The following DUX4 variants were observed in gnomAD, a reference collection of about 807,000 sequenced individuals.
The protein encoded by DUX4 is double homeobox 4, also known as double homeobox protein 4.
intron 1 of DUX4, among the ~76,000 whole-genome samples, chr4:190,181,742 A>ATAGCTT (rs1742592861): frequency 1.5e-5 from 2 of 136,912 alleles, no homozygotes; most frequent in Admixed American, 7.6e-5. Flanking sequence ...CACCTGGGTG[A>ATAGCTT]TCAGTGCAGA....
chr4:190,178,932 CTCCTGGGTG>C (rs1742464740), downstream of DUX4, among the ~76,000 whole-genome samples: 1 of 143,282 alleles, frequency 7.0e-6, no homozygotes, highest in Non-Finnish European at 1.5e-5. Context: ...AAGAGTCCGT[CTCCTGGGTG>C]ATCAGTGCAG....
downstream of DUX4, among the ~76,000 whole-genome samples, chr4:190,179,516 C>CAT (rs1742500713): frequency 1.2e-4 from 3 of 25,670 alleles, no homozygotes; most frequent in Non-Finnish European, 1.7e-4. Context: ...CACAAGCCCC[C>CAT]TGTAGGCAGA....
chr4:190,176,554 T>C (rs1448821859), downstream of DUX4, among the ~76,000 whole-genome samples: 1 of 100,950 alleles, frequency 9.9e-6, no homozygotes, highest in African/African-American at 2.8e-5. Context: ...AGTTTATCAG[T>C]GTAATTATTA....
At chr4:190,178,961 A>C (rs1742466872), downstream of DUX4, among the ~76,000 whole-genome samples, 2 of 148,540 alleles carry the variant, frequency 1.3e-5, no homozygotes, top group Non-Finnish European at 3.0e-5. Flanking sequence ...GAAATACGTC[A>C]CAATGCCCCC....
chr4:190,176,902 G>A (rs1742328436), downstream of DUX4, among the ~76,000 whole-genome samples: 1 of 128,846 alleles, frequency 7.8e-6, no homozygotes, highest in Non-Finnish European at 1.8e-5. Context: ...TCAGTGCAGT[G>A]ATATGTCACA....
intron 1 of DUX4, among the ~76,000 whole-genome samples, chr4:190,181,610 TGCAGAGA>T: frequency 1.4e-4 from 2 of 14,246 alleles, no homozygotes; most frequent in East Asian, 1.6e-3. Flanking sequence ...GGGTGATCAG[TGCAGAGA>T]TATGTCAGAA....
At chr4:190,178,914 TCCAAGACAAGAG>T (rs1742462988), downstream of DUX4, among the ~76,000 whole-genome samples, 56 of 88,648 alleles carry the variant, frequency 6.3e-4, no homozygotes, top group South Asian at 7.5e-4. Context: ...CATAGGCAGA[TCCAAGACAAGAG>T]TCCGTCTCCT....
intron 1 of DUX4, among the ~76,000 whole-genome samples, chr4:190,181,157 CTTT>C (rs1742548901): frequency 1.4e-5 from 2 of 147,126 alleles, no homozygotes; most frequent in African/African-American, 2.5e-5. Context: ...CACAATGCCC[CTTT>C]AGGCAGAGCT....
chr4:190,177,337 GCA>G (rs1742361162), downstream of DUX4, among the ~76,000 whole-genome samples: 161 of 138,540 alleles, frequency 1.2e-3, 9 homozygotes, highest in African/African-American at 3.9e-3. Flanking sequence ...GCCCCTGTAG[GCA>G]GAGCCTAGAC....
chr4:190,177,298 G>A (rs1234670560), downstream of DUX4, among the ~76,000 whole-genome samples: 2 of 128,688 alleles, frequency 1.6e-5, no homozygotes, highest in East Asian at 2.6e-4. Context: ...TACATCACCT[G>A]GGTGATCAGT....
chr4:190,179,019 G>GGGTTATGTCACAA (rs1742472016), downstream of DUX4, among the ~76,000 whole-genome samples: 2 of 98,634 alleles, frequency 2.0e-5, no homozygotes, highest in South Asian at 3.3e-4. Flanking sequence ...GATTAGTGCA[G>GGGTTATGTCACAA]AGTTATGTCA....
At chr4:190,177,191 C>CACCAGAG (rs1742349944), downstream of DUX4, among the ~76,000 whole-genome samples, 8 of 67,118 alleles carry the variant, frequency 1.2e-4, no homozygotes, top group South Asian at 6.1e-4. Flanking sequence ...TGTCAAAACG[C>CACCAGAG]CCCTGTAGGC....
downstream of DUX4, among the ~76,000 whole-genome samples, chr4:190,179,451 TAAG>T (rs1742493792): frequency 7.1e-6 from 1 of 139,872 alleles, no homozygotes; most frequent in African/African-American, 2.8e-5. Context: ...AAGCACCCTG[TAAG>T]CAGATCCTAG....
intron 1 of DUX4, among the ~76,000 whole-genome samples, chr4:190,181,466 A>T (rs1742572288): frequency 6.9e-3 from 740 of 107,440 alleles, no homozygotes; most frequent in African/African-American, 9.5e-3. Flanking sequence ...CATCACCTAG[A>T]TGATCAGTGC....
downstream of DUX4, among the ~76,000 whole-genome samples, chr4:190,176,303 C>T (rs1490247252): frequency 3.5e-5 from 4 of 114,496 alleles, 1 homozygote; most frequent in African/African-American, 1.0e-4. Flanking sequence ...GTCACAATGC[C>T]CCTGTAGGCA....
downstream of DUX4, among the ~76,000 whole-genome samples, chr4:190,176,509 G>T (rs1242583069): frequency 2.0e-5 from 2 of 102,530 alleles, 1 homozygote; most frequent in Non-Finnish European, 4.6e-5. Flanking sequence ...GAGAATTCCC[G>T]TGTAGGCAGA....
downstream of DUX4, among the ~76,000 whole-genome samples, chr4:190,176,442 T>G (rs1742307798): frequency 9.1e-6 from 1 of 110,422 alleles, no homozygotes; most frequent in African/African-American, 2.7e-5. Flanking sequence ...AGAATTCCCT[T>G]GTAGGCAGGG....
chr4:190,178,622 CGA>C (rs2126574289), downstream of DUX4, among the ~76,000 whole-genome samples: 1 of 78,484 alleles, frequency 1.3e-5, no homozygotes, highest in East Asian at 2.8e-4. Context: ...AGAGATTTGT[CGA>C]AATTCCCTGT....
chr4:190,179,225 GAT>G (rs1742482828), downstream of DUX4, among the ~76,000 whole-genome samples: 4 of 150,912 alleles, frequency 2.7e-5, no homozygotes, highest in Admixed American at 6.6e-5. Flanking sequence ...TCATTGCAGG[GAT>G]ATGTCACAAA....
Sources: gnomAD v4.1 joint callset for allele counts (sites outside exome capture counted in the v4.1 genomes callset) on GRCh38, gnomAD v4.1.1 for gene constraint, MANE v1.5 for transcripts, NCBI Gene and HGNC (gene_info 2026-07-23, HGNC 2026-07-21) for gene names.